The following PPP2R2C variants were observed in gnomAD, a reference collection of about 807,000 sequenced individuals.
The protein encoded by PPP2R2C is protein phosphatase 2, regulatory subunit B, gamma.
In PPP2R2C, 10 loss-of-function variants were observed where a neutral mutation model predicts 45.3. That is an observed-to-expected ratio of 0.22 (90% CI 0.14 to 0.37). The LOEUF (loss-of-function observed/expected upper bound fraction) is 0.37. PPP2R2C is among the 10% of genes least tolerant of loss of function. The probability of loss-of-function intolerance (pLI) is 1.00; values close to 1 mark genes in which losing one functional copy is unlikely to be tolerated. For synonymous variants in PPP2R2C, 257 were observed against 245.4 expected, an observed-to-expected ratio of 1.05 and a Z score of -0.44; for missense variants, 308 against 619.7, an observed-to-expected ratio of 0.50 and a Z score of 5.34.
chr4:6,462,404 G>A (rs544456706), intron 1 of PPP2R2C, among the ~76,000 whole-genome samples: 69 of 152,254 alleles, frequency 4.5e-4, no homozygotes, highest in African/African-American at 1.5e-3. Flanking sequence ...ACTTGAACCC[G>A]GGAGGCGGGG....
intron 1 of PPP2R2C, among the ~76,000 whole-genome samples, chr4:6,542,497 C>T (rs1489626183): frequency 6.6e-6 from 1 of 152,118 alleles, no homozygotes; most frequent in Non-Finnish European, 1.5e-5. Context: ...AGTTCAAGAC[C>T]AGCCTGGCCA....
intron 1 of PPP2R2C, among the ~76,000 whole-genome samples, chr4:6,432,054 C>T (rs1037496616): frequency 6.6e-6 from 1 of 152,168 alleles, no homozygotes; most frequent in African/African-American, 2.4e-5. Context: ...CCAAAGGCCC[C>T]ACCTCTTAAC....
intron 4 of PPP2R2C, among the ~76,000 whole-genome samples, chr4:6,374,582 T>C (rs887875703): frequency 1.3e-5 from 2 of 151,788 alleles, no homozygotes; most frequent in Non-Finnish European, 2.9e-5. Flanking sequence ...GCCAGTAGGG[T>C]TTTATGGGAT....
chr4:6,340,073 AATGGCACAG>A (rs1479095121), intron 6 of PPP2R2C, among the ~76,000 whole-genome samples: 3 of 152,154 alleles, frequency 2.0e-5, no homozygotes, highest in African/African-American at 4.8e-5. Context: ...GAGTTCCTAC[AATGGCACAG>A]GTGGGCACAA....
Position 6,412,429 on chromosome 4 carries a change from C to T in PPP2R2C, c.71-31335G>A, listed in dbSNP as rs1012947807. 2.0e-5 allele frequency among the ~76,000 whole-genome samples: 3 copies of T among 152,182 alleles called. No individual in the cohort carries two copies. In the South Asian group the frequency reaches 6.2e-4, roughly 32 times the overall value. Reference sequence around the variant, plus strand: ...GAAGGGAAAGCTGCCTGCCTAATATCACAGGGGCTCACCCCTCTATTTCTA... The same window carrying T: ...GAAGGGAAAGCTGCCTGCCTAATATTACAGGGGCTCACCCCTCTATTTCTA... On this transcript the variant is annotated intron_variant, in intron 1 of 8. Transcript: ENST00000382599.
chr4:6,504,556 A>G (rs1420974318), intron 2 of PPP2R2C, among the ~76,000 whole-genome samples: 2 of 152,354 alleles, frequency 1.3e-5, no homozygotes, highest in African/African-American at 4.8e-5. Flanking sequence ...AAAGGAAAAT[A>G]AAATCATAAT....
intron 1 of PPP2R2C, chr4:6,383,615 C>A (rs1445299548): frequency 2.0e-5 from 10 of 503,442 alleles, no homozygotes; most frequent in Non-Finnish European, 3.2e-5. Context: ...CTTGGATCAC[C>A]TTGCTGAAAC....
chr4:6,434,888 A>G (rs967632116), intron 1 of PPP2R2C, among the ~76,000 whole-genome samples: 5 of 152,180 alleles, frequency 3.3e-5, no homozygotes, highest in African/African-American at 4.8e-5. Context: ...TATGTAAACC[A>G]TCTCCTCATC....
At chr4:6,556,077 G>A (rs750781807) in intron 1 of PPP2R2C, among the ~76,000 whole-genome samples, 5 of 152,174 alleles carry the variant, frequency 3.3e-5, no homozygotes, top group South Asian at 2.1e-4. Context: ...AGCCTCCTGC[G>A]TGAAGGATGC....
intron 2 of PPP2R2C, among the ~76,000 whole-genome samples, chr4:6,500,138 A>G (rs1723002997): frequency 6.6e-6 from 1 of 152,140 alleles, no homozygotes; most frequent in Admixed American, 6.5e-5. Flanking sequence ...CAGTGGCAGA[A>G]GGTATTTTAT....
At chr4:6,502,729 C>T (rs527810984) in intron 2 of PPP2R2C, among the ~76,000 whole-genome samples, 1 of 152,264 alleles carries the variant, frequency 6.6e-6, no homozygotes, top group African/African-American at 2.4e-5. Context: ...ACTTTGCACA[C>T]TTCCTGACCC....
intron 1 of PPP2R2C, among the ~76,000 whole-genome samples, chr4:6,538,953 C>G (rs1396227956): frequency 1.3e-5 from 2 of 152,184 alleles, no homozygotes; most frequent in East Asian, 3.9e-4. Flanking sequence ...TTATACAGCT[C>G]AAACCTGCTT....
At chr4:6,453,068 C>T (rs1456966674) in intron 1 of PPP2R2C, among the ~76,000 whole-genome samples, 4 of 152,196 alleles carry the variant, frequency 2.6e-5, no homozygotes, top group Non-Finnish European at 2.9e-5. Context: ...TCCCTCTGCC[C>T]GCAGTCCCAC....
At chr4:6,533,302 T>G (rs1724467936) in intron 2 of PPP2R2C, among the ~76,000 whole-genome samples, 6 of 152,150 alleles carry the variant, frequency 3.9e-5, no homozygotes. Context: ...GCATAATCTT[T>G]GAACAGGATT....
rs549372130 is a variant in PPP2R2C, at chr4:6,335,503, C to T, written c.791-1772G>A. ...GAACAGGGACGCAAGGGGCCACCCA[C>T]GCAGGATCTCATGGGCCACGGAGAG... On this transcript the variant is annotated intron_variant, in intron 6 of 8. Coordinates refer to ENST00000382599, the MANE Select transcript of PPP2R2C (RefSeq NM_020416.4). Among the ~76,000 whole-genome samples the T allele has an allele frequency of 7.2e-5, 11 of 152,172 alleles. No individual in the cohort carries two copies. In the South Asian group the frequency reaches 1.2e-3, roughly 17 times the overall value.
intron 6 of PPP2R2C, among the ~76,000 whole-genome samples, chr4:6,342,003 C>T (rs1733480794): frequency 6.6e-6 from 1 of 151,712 alleles, no homozygotes; most frequent in Non-Finnish European, 1.5e-5. Flanking sequence ...TCACACAACA[C>T]AGGCTTGAAC....
At chr4:6,323,844 GGAGGCAGGAGGA>G (rs2109145105) in intron 8 of PPP2R2C, among the ~76,000 whole-genome samples, 1 of 31,528 alleles carries the variant, frequency 3.2e-5, no homozygotes, top group Non-Finnish European at 7.0e-5. Flanking sequence ...CTGAGCCTGG[GGAGGCAGGAGGA>G]TCACCTGAGC....
At chr4:6,458,338 G>T (rs1410155647) in intron 1 of PPP2R2C, among the ~76,000 whole-genome samples, 5 of 152,306 alleles carry the variant, frequency 3.3e-5, no homozygotes, top group Non-Finnish European at 2.9e-5. Context: ...CTGGAGGCTG[G>T]AAGTCCAAGA....
chr4:6,455,787 G>T (rs535316456), intron 1 of PPP2R2C, among the ~76,000 whole-genome samples: 7 of 152,134 alleles, frequency 4.6e-5, no homozygotes, highest in African/African-American at 1.7e-4. Context: ...AACACACCAC[G>T]CCGTGCTGTG....
Sources: gnomAD v4.1 joint callset for allele counts (sites outside exome capture counted in the v4.1 genomes callset) on GRCh38, gnomAD v4.1.1 for gene constraint, MANE v1.5 for transcripts, NCBI Gene and HGNC (gene_info 2026-07-23, HGNC 2026-07-21) for gene names.